Variants in RABGAP1L observed in about 807,000 individuals in gnomAD.
RABGAP1L encodes the protein rab GTPase-activating protein 1-like.
In RABGAP1L, 63 loss-of-function variants were observed where a neutral mutation model predicts 137.7. The ratio of observed to expected loss-of-function variants is 0.46; its 90% confidence interval spans 0.37 to 0.56. The LOEUF is 0.56. Among genes scored for constraint, RABGAP1L ranks in the 20% least tolerant of loss-of-function variants. The pLI is 0.00. For missense variants in RABGAP1L, 1,095 were observed against 1,244.0 expected (o/e 0.88, Z 1.80); for synonymous variants, 431 against 433.7 (o/e 0.99, Z 0.08).
chr1:174,584,838 GTT>G lies in RABGAP1L; in HGVS notation c.1711-52527_1711-52526del, dbSNP rs11290858. Among the ~76,000 whole-genome samples the G allele has an allele frequency of 4.0e-5, 6 of 148,920 alleles. No individual in the cohort carries two copies. The East Asian group carries it at 7.9e-4, about 20-fold the overall frequency. Reference sequence around the variant, plus strand: ...CTACTCAAAAGATGTATGTGTATGTGTTTTTTTTTTTAATCCCTCCTACAGAG... The same window carrying G: ...CTACTCAAAAGATGTATGTGTATGTGTTTTTTTTTAATCCCTCCTACAGAG... On this transcript the variant is annotated intron_variant, in intron 13 of 25. Coordinates refer to ENST00000681986, the MANE Select transcript of RABGAP1L (RefSeq NM_001366446.1).
chr1:174,601,499 G>T (rs1343875646), intron 13 of RABGAP1L, among the ~76,000 whole-genome samples: 1 of 151,650 alleles, frequency 6.6e-6, no homozygotes, highest in Non-Finnish European at 1.5e-5. Context: ...CCTGTCGTGG[G>T]GTTGGGGGCA....
chr1:174,588,990 G>A (rs1669342701), intron 13 of RABGAP1L, among the ~76,000 whole-genome samples: 1 of 152,106 alleles, frequency 6.6e-6, no homozygotes, highest in African/African-American at 2.4e-5. Context: ...TGGATCATAT[G>A]GTGGTTCTGT....
At chr1:174,662,100 TTC>T (rs1245542499) in intron 14 of RABGAP1L, among the ~76,000 whole-genome samples, 57 of 116,750 alleles carry the variant, frequency 4.9e-4, no homozygotes, top group Admixed American at 1.2e-3. Context: ...GGCTTTTCTT[TTC>T]TTTTTTTTTT....
chr1:174,684,025 G>A lies in RABGAP1L; in HGVS notation c.1899+429G>A, dbSNP rs181052945. On this transcript the variant is annotated intron_variant, in intron 15 of 25. Transcript: ENST00000681986. ...ATTGAGCATCAATTTTCAGGTACTG[G>A]GCTAGGAAGTGGGGTTATAAAGATG... Among the ~76,000 whole-genome samples, 53 of 152,216 alleles carry A rather than the reference G, an allele frequency of 3.5e-4. 1 individual carries two copies. The highest frequency in any genetic ancestry group is 3.5e-3 in the Admixed American group (53 of 15,294).
intron 14 of RABGAP1L, among the ~76,000 whole-genome samples, chr1:174,640,900 C>T (rs1674477403): frequency 6.7e-6 from 1 of 148,696 alleles, no homozygotes; most frequent in Non-Finnish European, 1.5e-5. Flanking sequence ...ATCAGCAACA[C>T]AATTGTAGGC....
At chr1:174,380,573 C>A (rs976224733) in intron 12 of RABGAP1L, among the ~76,000 whole-genome samples, 7 of 151,990 alleles carry the variant, frequency 4.6e-5, no homozygotes, top group South Asian at 2.1e-4. Context: ...AGTTTATTTG[C>A]GTAGAGGTGT....
intron 11 of RABGAP1L, among the ~76,000 whole-genome samples, chr1:174,352,177 C>G (rs911410840): frequency 1.3e-5 from 2 of 152,176 alleles, no homozygotes; most frequent in African/African-American, 4.8e-5. Flanking sequence ...TCTGCCTCCT[C>G]TTTAAGGATA....
rs758749171 is a variant in RABGAP1L at position 174,988,748 on chromosome 1, G to T, written c.2913G>T (p.Glu971Asp). The T allele has an allele frequency of 5.2e-6, 8 of 1,550,136 alleles. No homozygotes were observed. The highest frequency in any genetic ancestry group is 1.4e-5 in the African/African-American group (1 of 73,122). Residue 971 changes from glutamate to aspartate, a missense_variant, in exon 25 of 26, where the codon GAG (glutamate) becomes GAT (aspartate). Coordinates refer to ENST00000681986, the MANE Select transcript of RABGAP1L (RefSeq NM_001366446.1). ...ACCAGGGAATTGAAACAGATGATGA[G>T]AAGGACTCACTTAAGAAGCAGCTGA... ...REDQGIETDD[E>D]KDSLKKQLRE...
chr1:174,338,858 GT>G (rs534517675), intron 11 of RABGAP1L, among the ~76,000 whole-genome samples: 17 of 151,962 alleles, frequency 1.1e-4, no homozygotes, highest in Non-Finnish European at 2.5e-4. Flanking sequence ...CTAAGAATGG[GT>G]TTTGCACTTT....
intron 13 of RABGAP1L, among the ~76,000 whole-genome samples, chr1:174,413,872 C>A (rs1650230790): frequency 6.6e-6 from 1 of 152,046 alleles, no homozygotes; most frequent in Admixed American, 6.6e-5. Context: ...TCTGTTGTGT[C>A]AGGCAGTGTA....
chr1:174,289,290 G>A (rs557379438), intron 10 of RABGAP1L, among the ~76,000 whole-genome samples: 3 of 152,198 alleles, frequency 2.0e-5, no homozygotes, highest in Non-Finnish European at 2.9e-5. Context: ...AGATCTTCTC[G>A]CCTGGCCTCC....
chr1:174,844,964 G>A (rs925660742), intron 19 of RABGAP1L, among the ~76,000 whole-genome samples: 1 of 135,476 alleles, frequency 7.4e-6, no homozygotes, highest in African/African-American at 2.7e-5. Flanking sequence ...TGGATTCCTA[G>A]GTATTTTATT....
rs56864336 is a variant in RABGAP1L at position 174,174,195 on chromosome 1, TACACACAC to T, written c.-34+14570_-34+14577del. ...AGCAATGAAGAAATTGGAAAAAAAATACACACACACACACACACACACACACACACACA... is the reference window on the plus strand; with the variant it reads ...AGCAATGAAGAAATTGGAAAAAAAATACACACACACACACACACACACACA... On this transcript the variant is annotated intron_variant, in intron 1 of 25. Transcript: ENST00000681986. 6.5e-3 allele frequency among the ~76,000 whole-genome samples: 954 copies of T among 145,666 alleles called. 7 individuals are homozygous for T. The highest frequency in any genetic ancestry group is 0.019 in the African/African-American group (782 of 40,364).
At chr1:174,668,438 G>T (rs1338701948) in intron 14 of RABGAP1L, among the ~76,000 whole-genome samples, 1 of 152,058 alleles carries the variant, frequency 6.6e-6, no homozygotes, top group Non-Finnish European at 1.5e-5. Flanking sequence ...AAAATGACAG[G>T]ATTGTCTTTT....
intron 18 of RABGAP1L, among the ~76,000 whole-genome samples, chr1:174,797,499 TG>T (rs2148814121): frequency 8.8e-6 from 1 of 113,982 alleles, no homozygotes; most frequent in Non-Finnish European, 1.8e-5. Flanking sequence ...GTGTGTGTGG[TG>T]TGTGGGATGT....
chr1:174,622,387 G>A (rs1263968686), intron 13 of RABGAP1L, among the ~76,000 whole-genome samples: 14 of 152,250 alleles, frequency 9.2e-5, no homozygotes, highest in South Asian at 4.1e-4. Context: ...TCATGATGGT[G>A]TAAAGACACA....
intron 9 of RABGAP1L, among the ~76,000 whole-genome samples, chr1:174,276,516 C>T (rs891365604): frequency 1.4e-4 from 22 of 151,934 alleles, no homozygotes; most frequent in Non-Finnish European, 2.2e-4. Flanking sequence ...AGAGTTATTT[C>T]ATTTGTGGAG....
chr1:174,939,059 A>C (rs1665385279), intron 19 of RABGAP1L, among the ~76,000 whole-genome samples: 1 of 152,198 alleles, frequency 6.6e-6, no homozygotes, highest in Admixed American at 6.5e-5. Flanking sequence ...ATAGATTCTC[A>C]TTTGATTTAC....
At position 174,369,556 on chromosome 1, in the gene RABGAP1L, A is replaced by G. The variant is rs550313582; in HGVS notation, c.1466-1423A>G. On this transcript the variant is annotated intron_variant, in intron 11 of 25. Transcript: ENST00000681986. Reference sequence around the variant, plus strand: ...TTAAATAAAAAATTATAAATGTTATAAAAGATAGTTGTTTACATGGGATAG... The same window carrying G: ...TTAAATAAAAAATTATAAATGTTATGAAAGATAGTTGTTTACATGGGATAG... Among the ~76,000 whole-genome samples the G allele has an allele frequency of 2.3e-3, 357 of 152,330 alleles. 1 individual carries two copies. The highest frequency in any genetic ancestry group is 8.4e-3 in the African/African-American group (351 of 41,572).
Sources: allele counts gnomAD v4.1 joint callset (sites outside exome capture counted in the v4.1 genomes callset), GRCh38; gene constraint gnomAD v4.1.1; transcripts MANE v1.5; gene names NCBI Gene and HGNC (gene_info 2026-07-23, HGNC 2026-07-21).